The following NR2E1 variants were observed in gnomAD, a reference collection of about 807,000 sequenced individuals.
NR2E1 encodes the protein nuclear receptor subfamily 2 group E member 1, also known as nuclear receptor TLX.
Under a neutral mutation model 43.6 loss-of-function variants are expected in NR2E1, and 5 were observed. The observed-to-expected ratio is 0.11, with a 90% CI of 0.06 to 0.24. The LOEUF is 0.24. Among genes scored for constraint, NR2E1 ranks in the 10% least tolerant of loss-of-function variants. The probability of loss-of-function intolerance (pLI) is 1.00; values close to 1 mark genes in which losing one functional copy is unlikely to be tolerated. For synonymous variants in NR2E1, 191 were observed against 195.5 expected (o/e 0.98, Z 0.19); for missense variants, 287 against 496.7 (o/e 0.58, Z 4.01).
intron 5 of NR2E1, 120 bp downstream of exon 5, chr6:108,178,361 G>A: frequency 6.8e-6 from 7 of 1,022,466 alleles, no homozygotes; most frequent in Non-Finnish European, 7.5e-6. Context: ...ATTCTTAATA[G>A]CAGTGAGGAA....
intron 5 of NR2E1, 47 bp downstream of exon 5, chr6:108,178,288 C>A: frequency 6.2e-7 from 1 of 1,604,564 alleles, no homozygotes; most frequent in Non-Finnish European, 8.5e-7. Context: ...GGGAAAGAAG[C>A]AGTAGCACTC....
At chr6:108,182,440 G>A (rs1224553341) in intron 8 of NR2E1, among the ~76,000 whole-genome samples, 2 of 151,690 alleles carry the variant, frequency 1.3e-5, no homozygotes, top group African/African-American at 2.4e-5. Context: ...AGGCTGAAGT[G>A]CAGTGGCATG....
rs1236632656 is a variant in NR2E1, at chr6:108,187,923, T to G, written c.*460T>G. The G allele has an allele frequency of 5.4e-6, 1 of 186,108 alleles. No individual in the cohort carries two copies. Among genetic ancestry groups the G allele is most frequent in the Non-Finnish European group, 1.2e-5 (1 of 86,530 alleles). 11.5% of individuals were successfully genotyped at this position (186,108 alleles called of 1,614,324 possible). ...GTTGGAGCATTTATTTTAAAAATAA[T>G]GGTAGGTTTTAAATTAAAAGTGTTA... is the stretch of plus-strand genomic sequence containing the variant. On this transcript the variant is annotated 3_prime_UTR_variant, in exon 9 of 9. Transcript: ENST00000368986.
At chr6:108,174,000 G>A (rs1773855707) in intron 2 of NR2E1, among the ~76,000 whole-genome samples, 3 of 152,168 alleles carry the variant, frequency 2.0e-5, no homozygotes, top group Non-Finnish European at 4.4e-5. Context: ...AACAGTCTGA[G>A]CCCATATTAT....
intron 4 of NR2E1, among the ~76,000 whole-genome samples, chr6:108,177,429 C>A (rs1184653771): frequency 6.6e-6 from 1 of 152,230 alleles, no homozygotes; most frequent in Non-Finnish European, 1.5e-5. Context: ...TACCTACTAA[C>A]ACCCCCACTC....
At chr6:108,171,268 A>G (rs1773806773) in intron 1 of NR2E1, among the ~76,000 whole-genome samples, 190 bp from the exon 2 acceptor site, 1 of 152,174 alleles carries the variant, frequency 6.6e-6, no homozygotes, top group Admixed American at 6.5e-5. Flanking sequence ...GGAAACTGAC[A>G]CTTGCTCAAG....
At chr6:108,167,598 G>A (rs1773730601) in intron 1 of NR2E1, among the ~76,000 whole-genome samples, 1 of 152,118 alleles carries the variant, frequency 6.6e-6, no homozygotes, top group Non-Finnish European at 1.5e-5. Flanking sequence ...GTGCAGGCCC[G>A]AGCCAGCGTT....
At chr6:108,168,475 A>G (rs1490357223) in intron 1 of NR2E1, among the ~76,000 whole-genome samples, 2 of 152,214 alleles carry the variant, frequency 1.3e-5, no homozygotes, top group Admixed American at 1.3e-4. Flanking sequence ...GCTGTGGACT[A>G]GGAGGCAGGC....
Position 108,180,767 on chromosome 6 carries a change from G to A in NR2E1, c.740-40G>A. On this transcript the variant is annotated intron_variant, in intron 6 of 8. Transcript: ENST00000368986. The surrounding 1 kb of genome is among the most constrained non-coding windows in gnomAD (Gnocchi z 5.4). ...AAAATCAATATTAAATCATGAAAAT[G>A]CCTTCATATTAGAGTATTTATCCCA... 6.3e-7 allele frequency: 1 copy of A among 1,590,848 alleles called. No homozygotes were observed. Among genetic ancestry groups the A allele is most frequent in the Non-Finnish European group, 8.6e-7 (1 of 1,159,082 alleles).
intron 2 of NR2E1, among the ~76,000 whole-genome samples, chr6:108,172,638 C>G (rs1004758336): frequency 6.6e-6 from 1 of 152,158 alleles, no homozygotes; most frequent in Non-Finnish European, 1.5e-5. Context: ...CCTTTGGTAA[C>G]AAAATAGTAA....
intron 2 of NR2E1, among the ~76,000 whole-genome samples, chr6:108,172,465 CT>C (rs1339208111): frequency 6.6e-6 from 1 of 152,156 alleles, no homozygotes; most frequent in African/African-American, 2.4e-5. Flanking sequence ...AGCAGAACCT[CT>C]TGACTCAGTT....
Position 108,166,496 on chromosome 6 carries a change from C to T in NR2E1, c.-270C>T, listed in dbSNP as rs1773710182. On this transcript the variant is annotated 5_prime_UTR_variant, in exon 1 of 9. Coordinates refer to ENST00000368986, the MANE Select transcript of NR2E1 (RefSeq NM_003269.5). The surrounding 1 kb of genome is among the most constrained non-coding windows in gnomAD (Gnocchi z 7.2). ...CCTGTCCATCTCTCCATCTGTCTGT[C>T]CATGTGTGTGTCCATATCAAGCAGC... is the stretch of plus-strand genomic sequence containing the variant. 4.3e-6 allele frequency: 2 copies of T among 464,184 alleles called. No homozygotes were observed. The highest frequency in any genetic ancestry group is 3.8e-6 in the Non-Finnish European group (1 of 266,570). 28.8% of individuals were successfully genotyped at this position (464,184 alleles called of 1,614,324 possible).
intron 7 of NR2E1, among the ~76,000 whole-genome samples, 190 bp from the exon 8 acceptor site, chr6:108,181,356 G>A (rs945296404): frequency 6.6e-6 from 1 of 151,988 alleles, no homozygotes; most frequent in African/African-American, 2.4e-5. Context: ...ACCATGCCTG[G>A]CTAATTTTTG....
Position 108,180,118 on chromosome 6 carries a change from C to T in NR2E1, c.643-205C>T, listed in dbSNP as rs1291575735. On this transcript the variant is annotated intron_variant, in intron 5 of 8. Coordinates refer to ENST00000368986, the MANE Select transcript of NR2E1 (RefSeq NM_003269.5). This position sits in a 1 kb window ranked among gnomAD's most constrained non-coding sequence, Gnocchi z 5.4. ...AGGAAACTTTGGAGAATTGGAATGG[C>T]TGACTCTCAAATCCATATGCATATC... Among the ~76,000 whole-genome samples the T allele has an allele frequency of 6.6e-6, 1 of 152,116 alleles. No homozygotes were observed. Among genetic ancestry groups the T allele is most frequent in the African/African-American group, 2.4e-5 (1 of 41,432 alleles).
chr6:108,176,477 A>G (rs374560382), intron 3 of NR2E1, 26 bp from the exon 4 acceptor site: 23 of 1,608,202 alleles, frequency 1.4e-5, no homozygotes, highest in African/African-American at 1.2e-4. Context: ...AATCGCCGGC[A>G]TGCGTTTCTC....
At chr6:108,178,843 G>A (rs553762195) in intron 5 of NR2E1, 5 of 162,174 alleles carry the variant, frequency 3.1e-5, no homozygotes, top group East Asian at 3.3e-4. Context: ...GCTTAATTCC[G>A]TGGTTGTAAA....
intron 5 of NR2E1, 129 bp downstream of exon 5, chr6:108,178,370 A>G (rs1436569663): frequency 3.2e-6 from 3 of 930,516 alleles, no homozygotes; most frequent in African/African-American, 3.2e-5. Context: ...AGCAGTGAGG[A>G]AACTACTTGT....
In NR2E1 at chr6:108,166,900, G is replaced by A. The variant is rs1773718172; in HGVS notation, c.25+110G>A. On this transcript the variant is annotated intron_variant, in intron 1 of 8. Coordinates refer to ENST00000368986, the MANE Select transcript of NR2E1 (RefSeq NM_003269.5). This position sits in a 1 kb window ranked among gnomAD's most constrained non-coding sequence, Gnocchi z 7.2. The stretch of plus-strand genomic sequence containing the variant: ...GCGCTGCGAATCTGAGCCCCTGAGA[G>A]GGATTCCAGCGGGCGTGTGCGTTCG... The A allele has an allele frequency of 8.5e-7, 1 of 1,181,664 alleles. No individual in the cohort carries two copies. Among genetic ancestry groups the A allele is most frequent in the Admixed American group, 2.0e-5 (1 of 50,316 alleles). The allele number at this position is 1,181,664 out of a possible 1,614,324, so 73.2% of individuals were successfully genotyped here.
chr6:108,171,634 C>G, intron 2 of NR2E1, 31 bp downstream of exon 2: 2 of 1,613,258 alleles, frequency 1.2e-6, no homozygotes, highest in Non-Finnish European at 1.7e-6. Context: ...CTGCTGGGCT[C>G]CGCTCTGCTG....
Sources: allele counts gnomAD v4.1 joint callset (sites outside exome capture counted in the v4.1 genomes callset), GRCh38; gene constraint gnomAD v4.1.1; non-coding constraint Gnocchi (gnomAD v3.1); transcripts MANE v1.5; gene names NCBI Gene and HGNC (gene_info 2026-07-23, HGNC 2026-07-21).